Variants in NBAS observed in about 807,000 individuals in gnomAD.
NBAS encodes the protein NBAS subunit of NRZ tethering complex, also known as NAG/BC035112 fusion.
A neutral mutation model predicts 302.5 loss-of-function variants in NBAS; 219 were observed. That is an observed-to-expected ratio of 0.72 (90% CI 0.65 to 0.81). NBAS has a LOEUF of 0.81. Among genes scored for constraint, NBAS ranks in the 30% least tolerant of loss-of-function variants. NBAS has a pLI of 0.00. For missense variants in NBAS, 2,932 were observed against 2,841.6 expected, an observed-to-expected ratio of 1.03 and a Z score of -0.72; for synonymous variants, 1,118 against 1,021.6, an observed-to-expected ratio of 1.09 and a Z score of -1.80.
chr2:14,997,776 C>G, the NBAS span, among the ~76,000 whole-genome samples: 2 of 152,164 alleles, frequency 1.3e-5, no homozygotes. Context: ...CTCATTTCCC[C>G]CAATCCCAGA....
chr2:14,957,030 A>T, the NBAS span, among the ~76,000 whole-genome samples: 2 of 152,198 alleles, frequency 1.3e-5, no homozygotes, highest in African/African-American at 4.8e-5. Flanking sequence ...ACAAAGTGGC[A>T]AATTTGGACA....
rs1344957903 is a variant in NBAS, at chr2:15,352,098, C to T, written c.4090-17G>A. The T allele has an allele frequency of 2.6e-6, 4 of 1,551,864 alleles. No individual in the cohort carries two copies. Among genetic ancestry groups the T allele is most frequent in the East Asian group, 4.5e-5 (2 of 44,400 alleles). On this transcript the variant is annotated splice_polypyrimidine_tract_variant and intron_variant, in intron 34 of 51. Transcript: ENST00000281513. ...ATAAAGAATCTAAAACAAGAATAGG[C>T]TATATTGTAAAGGAGTTACGTTTTT... is the stretch of plus-strand genomic sequence containing the variant.
the NBAS span, among the ~76,000 whole-genome samples, chr2:15,153,835 A>G: frequency 3.9e-5 from 6 of 152,272 alleles, no homozygotes. Flanking sequence ...TGTGAGTTAT[A>G]GGAACCTTGT....
intron 6 of NBAS, among the ~76,000 whole-genome samples, chr2:15,543,574 A>G (rs191259875): frequency 1.1e-4 from 16 of 152,342 alleles, no homozygotes; most frequent in Admixed American, 8.5e-4. Context: ...CCTCACAATC[A>G]TGGTGGAAGG....
In NBAS at chr2:15,539,214, T is replaced by C. The variant is rs1389214320; in HGVS notation, c.513+9A>G. 1 of 1,614,190 alleles carries C rather than the reference T, an allele frequency of 6.2e-7. No individual in the cohort carries two copies. On this transcript the variant is annotated intron_variant, in intron 7 of 51. Transcript: ENST00000281513. ...AAAACTATGTTTTCAATTTAAGCTA[T>C]GTACATACCGGGGAAATGACAAAGA...
the NBAS span, among the ~76,000 whole-genome samples, chr2:14,877,724 G>C: frequency 5.9e-5 from 9 of 152,138 alleles, no homozygotes; most frequent in African/African-American, 2.2e-4. Flanking sequence ...TTGAGTGTTA[G>C]AGACTTTCTA....
At chr2:15,201,479 A>G (rs1000934672) in intron 48 of NBAS, among the ~76,000 whole-genome samples, 3 of 152,248 alleles carry the variant, frequency 2.0e-5, no homozygotes, top group African/African-American at 7.2e-5. Context: ...AAAACCAGTC[A>G]TAAGCTGTTG....
intron 48 of NBAS, among the ~76,000 whole-genome samples, chr2:15,208,559 T>C (rs575833495): frequency 1.3e-5 from 2 of 152,278 alleles, no homozygotes; most frequent in South Asian, 2.1e-4. Flanking sequence ...ATGGATCAAA[T>C]AGATATTTAC....
the NBAS span, among the ~76,000 whole-genome samples, chr2:15,073,526 A>T: frequency 1.3e-5 from 2 of 151,546 alleles, no homozygotes; most frequent in Non-Finnish European, 2.9e-5. Context: ...AGGGGAAGGC[A>T]TCTGTTTCTA....
intron 41 of NBAS, among the ~76,000 whole-genome samples, chr2:15,287,696 C>T (rs939729820): frequency 2.0e-5 from 3 of 151,178 alleles, no homozygotes; most frequent in African/African-American, 7.3e-5. Context: ...CCCGAACACC[C>T]GCAGACATCC....
intron 11 of NBAS, among the ~76,000 whole-genome samples, chr2:15,496,594 T>C (rs929284741): frequency 2.7e-5 from 4 of 149,578 alleles, no homozygotes; most frequent in Non-Finnish European, 5.9e-5. Flanking sequence ...GAAGAAAGCA[T>C]GGGAGAGAGG....
chr2:14,933,677 C>T, the NBAS span, among the ~76,000 whole-genome samples: 3 of 152,008 alleles, frequency 2.0e-5, no homozygotes, highest in Non-Finnish European at 2.9e-5. Context: ...TGAAGGATGT[C>T]CAAGATGAGC....
At chr2:15,506,109 A>C (rs1220114628) in intron 10 of NBAS, among the ~76,000 whole-genome samples, 4 of 152,062 alleles carry the variant, frequency 2.6e-5, no homozygotes, top group African/African-American at 9.7e-5. Context: ...AGAGGTAAAA[A>C]GAGTAAAGAA....
chr2:15,010,728 A>T, the NBAS span, among the ~76,000 whole-genome samples: 1 of 152,226 alleles, frequency 6.6e-6, no homozygotes, highest in Non-Finnish European at 1.5e-5. Flanking sequence ...AAATTGGTGG[A>T]GTGGGAGCTA....
At chr2:15,436,399 CTAAT>C (rs1260187585) in intron 21 of NBAS, among the ~76,000 whole-genome samples, 1 of 152,112 alleles carries the variant, frequency 6.6e-6, no homozygotes, top group Non-Finnish European at 1.5e-5. Flanking sequence ...AATCAAGTAA[CTAAT>C]TAGCAAGCTT....
intron 48 of NBAS, 119 bp downstream of exon 48, chr2:15,218,654 C>T: frequency 1.5e-6 from 2 of 1,333,224 alleles, no homozygotes; most frequent in South Asian, 2.4e-5. Context: ...TCTTGAACTC[C>T]TGGCCTCAGG....
chr2:15,241,293 T>C (rs1244170323), intron 44 of NBAS, among the ~76,000 whole-genome samples: 2 of 152,190 alleles, frequency 1.3e-5, no homozygotes, highest in Non-Finnish European at 2.9e-5. Flanking sequence ...TAGCCTATTG[T>C]GTGATATGGA....
intron 42 of NBAS, among the ~76,000 whole-genome samples, chr2:15,286,392 C>T (rs1157951400): frequency 6.6e-6 from 1 of 152,128 alleles, no homozygotes; most frequent in Non-Finnish European, 1.5e-5. Context: ...TTCTATTATC[C>T]TAGCCTTCTA....
At chr2:15,371,584 T>C (rs575093577) in intron 31 of NBAS, among the ~76,000 whole-genome samples, 1 of 152,354 alleles carries the variant, frequency 6.6e-6, no homozygotes, top group South Asian at 2.1e-4. Context: ...AAGATACTGT[T>C]GCCACAGGTT....
Sources: gnomAD v4.1 joint callset for allele counts (sites outside exome capture counted in the v4.1 genomes callset) on GRCh38, gnomAD v4.1.1 for gene constraint, MANE v1.5 for transcripts, NCBI Gene and HGNC (gene_info 2026-07-23, HGNC 2026-07-21) for gene names.